KCNIP4: variants seen among roughly 807,000 people sequenced by gnomAD.
The protein encoded by KCNIP4 is Kv channel-interacting protein 4.
KCNIP4 carries 12 observed loss-of-function variants against 34.0 expected under a neutral mutation model. The ratio of observed to expected loss-of-function variants is 0.35; its 90% CI spans 0.23 to 0.57. The LOEUF is 0.57. Among genes scored for constraint, KCNIP4 ranks in the 20% least tolerant of loss-of-function variants. The pLI is 0.83. For missense variants in KCNIP4, 238 were observed against 311.7 expected (o/e 0.76, Z 1.78); for synonymous variants, 124 against 102.2 (o/e 1.21, Z -1.29).
At chr4:21,295,023 G>A (rs773486031) in intron 1 of KCNIP4, among the ~76,000 whole-genome samples, 9 of 152,048 alleles carry the variant, frequency 5.9e-5, no homozygotes, top group South Asian at 2.1e-4. Context: ...TTGACTTTTC[G>A]AAATTCCTTC....
intron 1 of KCNIP4, among the ~76,000 whole-genome samples, chr4:21,611,143 T>A (rs1244599898): frequency 2.0e-5 from 3 of 152,214 alleles, no homozygotes; most frequent in African/African-American, 7.2e-5. Flanking sequence ...ACAAAGGACA[T>A]GAACTCATCC....
chr4:21,046,917 T>G (rs1244123071), intron 1 of KCNIP4, among the ~76,000 whole-genome samples: 1 of 152,206 alleles, frequency 6.6e-6, no homozygotes, highest in South Asian at 2.1e-4. Context: ...TTATATACTT[T>G]TATTACTGTT....
At chr4:21,038,875 A>T (rs1741692913) in intron 1 of KCNIP4, among the ~76,000 whole-genome samples, 1 of 152,100 alleles carries the variant, frequency 6.6e-6, no homozygotes. Context: ...TCCAATCTAA[A>T]CTCAGTGTTC....
rs185254470 is a variant in KCNIP4 at position 20,853,587 on chromosome 4, G to A, written c.164-2920C>T. 1.6e-3 allele frequency among the ~76,000 whole-genome samples: 245 copies of A among 151,084 alleles called. 2 individuals are homozygous for A. The highest frequency in any genetic ancestry group is 2.9e-3 in the Non-Finnish European group (199 of 67,808). ...CCTTTTAGACACTGGCTTAGGCAAG[G>A]ATCTCATGACCAAGAACCCAAAAGC... On this transcript the variant is annotated intron_variant, in intron 2 of 8. Coordinates refer to ENST00000382152, the MANE Select transcript of KCNIP4 (RefSeq NM_025221.6).
chr4:21,814,884 C>T (rs78607717), intron 1 of KCNIP4, among the ~76,000 whole-genome samples: 4,324 of 152,226 alleles, frequency 0.028, 83 homozygotes, highest in Non-Finnish European at 0.044. Context: ...TTAAAATTGA[C>T]ACAGAACTTG....
intron 3 of KCNIP4, among the ~76,000 whole-genome samples, chr4:20,784,651 C>A (rs778018521): frequency 2.0e-5 from 3 of 151,994 alleles, no homozygotes; most frequent in African/African-American, 7.2e-5. Context: ...TTTCATTACA[C>A]AAATGATCAT....
At chr4:21,466,934 C>T (rs1263225931) in intron 1 of KCNIP4, among the ~76,000 whole-genome samples, 1 of 151,978 alleles carries the variant, frequency 6.6e-6, no homozygotes, top group Non-Finnish European at 1.5e-5. Flanking sequence ...CCATCCTACA[C>T]TTTAAAAGAA....
At chr4:20,987,703 A>T (rs1736701292) in intron 1 of KCNIP4, among the ~76,000 whole-genome samples, 1 of 152,080 alleles carries the variant, frequency 6.6e-6, no homozygotes, top group South Asian at 2.1e-4. Context: ...CTACTCTAAA[A>T]TATTTATAGA....
chr4:20,965,210 C>T (rs780899934), intron 1 of KCNIP4, among the ~76,000 whole-genome samples: 23 of 152,254 alleles, frequency 1.5e-4, no homozygotes, highest in African/African-American at 4.6e-4. Context: ...ACTGTCTATC[C>T]TATATTCCTG....
chr4:21,317,149 T>C (rs1713849647), intron 1 of KCNIP4, among the ~76,000 whole-genome samples: 1 of 152,188 alleles, frequency 6.6e-6, no homozygotes, highest in African/African-American at 2.4e-5. Context: ...AAGGGAAAAC[T>C]TGGCAACTGG....
At chr4:21,747,016 T>C (rs1232180476) in intron 1 of KCNIP4, among the ~76,000 whole-genome samples, 1 of 152,210 alleles carries the variant, frequency 6.6e-6, no homozygotes, top group African/African-American at 2.4e-5. Context: ...TCATTTCAAC[T>C]TGAGTTAAAT....
chr4:21,384,788 C>G (rs1473705165), intron 1 of KCNIP4, among the ~76,000 whole-genome samples: 1 of 152,194 alleles, frequency 6.6e-6, no homozygotes, highest in Non-Finnish European at 1.5e-5. Flanking sequence ...ACATCTACAT[C>G]ACATAGAGAT....
At chr4:21,096,509 A>G (rs1560716459) in intron 1 of KCNIP4, among the ~76,000 whole-genome samples, 1 of 152,112 alleles carries the variant, frequency 6.6e-6, no homozygotes, top group Non-Finnish European at 1.5e-5. Context: ...CTGTTTGACT[A>G]TGTAATGTCT....
chr4:21,702,181 C>G (rs1368022596), intron 1 of KCNIP4, among the ~76,000 whole-genome samples: 1 of 152,022 alleles, frequency 6.6e-6, no homozygotes, highest in African/African-American at 2.4e-5. Flanking sequence ...GATCGAGGTG[C>G]CAGAATATTC....
intron 1 of KCNIP4, among the ~76,000 whole-genome samples, chr4:21,241,154 GAA>G (rs1013652045): frequency 2.0e-5 from 3 of 152,006 alleles, no homozygotes; most frequent in Admixed American, 1.3e-4. Context: ...AAAAAAAAAG[GAA>G]AAAGAATTTT....
chr4:21,657,868 T>C (rs1748100158), intron 1 of KCNIP4, among the ~76,000 whole-genome samples: 2 of 149,072 alleles, frequency 1.3e-5, no homozygotes, highest in South Asian at 4.2e-4. Flanking sequence ...TGAGACGGAG[T>C]CTCGCTTTGT....
intron 4 of KCNIP4, 48 bp downstream of exon 4, chr4:20,758,773 A>C (rs1342600578): frequency 7.0e-7 from 1 of 1,433,558 alleles, no homozygotes; most frequent in South Asian, 1.2e-5. Flanking sequence ...CACTGCAAGC[A>C]TAATTGTAAC....
chr4:21,072,742 T>TTGC (rs534232161), intron 1 of KCNIP4, among the ~76,000 whole-genome samples: 3,536 of 152,236 alleles, frequency 0.023, 124 homozygotes, highest in African/African-American at 0.08. Context: ...CTGAATGGTA[T>TTGC]TGCCTAGGTT....
At chr4:21,819,682 A>C (rs922392737) in intron 1 of KCNIP4, among the ~76,000 whole-genome samples, 1 of 152,196 alleles carries the variant, frequency 6.6e-6, no homozygotes, top group African/African-American at 2.4e-5. Flanking sequence ...AGGAATTTTA[A>C]GTTAACTTAG....
Sources: allele counts gnomAD v4.1 joint callset (sites outside exome capture counted in the v4.1 genomes callset), GRCh38; gene constraint gnomAD v4.1.1; transcripts MANE v1.5; gene names NCBI Gene and HGNC (gene_info 2026-07-23, HGNC 2026-07-21).